Variants in ANK1 observed in about 807,000 individuals in gnomAD.
ANK1 encodes ankyrin-1.
In ANK1, 51 loss-of-function variants were observed where a neutral mutation model predicts 210.4. The observed-to-expected ratio is 0.24, with a 90% CI of 0.19 to 0.31. ANK1 has a LOEUF of 0.31. Ranked by LOEUF, ANK1 falls within the 10% of genes least tolerant of loss-of-function variation. The probability of loss-of-function intolerance (pLI) is 1.00; values close to 1 mark genes in which losing one functional copy is unlikely to be tolerated. For synonymous variants in ANK1, 967 were observed against 1,025.9 expected (o/e 0.94, Z 1.10); for missense variants, 2,051 against 2,504.4 (o/e 0.82, Z 3.86).
intron 22 of ANK1, 75 bp from the exon 23 acceptor site, chr8:41,699,623 C>T (rs1290511072): frequency 4.3e-6 from 6 of 1,380,990 alleles, no homozygotes; most frequent in Non-Finnish European, 2.0e-6. Flanking sequence ...AAGCTCTGTT[C>T]CCGCTCCGCC....
At chr8:41,739,696 C>T (rs576394885) in intron 2 of ANK1, among the ~76,000 whole-genome samples, 35 of 151,984 alleles carry the variant, frequency 2.3e-4, no homozygotes, top group African/African-American at 8.0e-4. Flanking sequence ...CAGGGGTTGA[C>T]CTGAGTTTGA....
At chr8:41,728,426 G>C (rs1471326239) in intron 3 of ANK1, among the ~76,000 whole-genome samples, 2 of 152,188 alleles carry the variant, frequency 1.3e-5, no homozygotes, top group East Asian at 3.8e-4. Context: ...AGGGTGGGAG[G>C]TGGGGGCAAT....
chr8:41,674,298 C>T (rs921782848), intron 37 of ANK1, among the ~76,000 whole-genome samples: 1 of 152,240 alleles, frequency 6.6e-6, no homozygotes, highest in Non-Finnish European at 1.5e-5. Flanking sequence ...ACCCCAAACA[C>T]ACATGCACAC....
intron 38 of ANK1, among the ~76,000 whole-genome samples, chr8:41,668,797 G>GA (rs1811360013): frequency 6.6e-6 from 1 of 152,172 alleles, no homozygotes; most frequent in Non-Finnish European, 1.5e-5. Flanking sequence ...CAGGTGGAAA[G>GA]GCCACTGGTC....
At chr8:41,706,015 C>G in intron 18 of ANK1, 128 bp downstream of exon 18, 1 of 923,614 alleles carries the variant, frequency 1.1e-6, no homozygotes, top group Non-Finnish European at 1.8e-6. Context: ...ACTCCACTGC[C>G]AGCCCTAGGA....
Position 41,836,510 on chromosome 8 carries a change from G to A in ANK1, c.126+59845C>T, listed in dbSNP as rs182864598. 1.1e-3 allele frequency among the ~76,000 whole-genome samples: 163 copies of A among 152,306 alleles called. 3 individuals are homozygous for A. In the South Asian group the frequency reaches 0.026, roughly 24 times the overall value. On this transcript the variant is annotated intron_variant, in intron 1 of 42. Transcript: ENST00000265709. ...CGCCCAGCAATGTGGCCGGGCTCCC[G>A]GTCCCCCTCCCCTGAGGTGGTGGTG...
intron 1 of ANK1, among the ~76,000 whole-genome samples, chr8:41,827,983 GAC>G (rs1167618458): frequency 3.0e-5 from 2 of 66,460 alleles, no homozygotes; most frequent in African/African-American, 1.2e-4. Context: ...CCCAACCCCC[GAC>G]ACACACACCC....
intron 37 of ANK1, among the ~76,000 whole-genome samples, chr8:41,673,621 A>C (rs1813205023): frequency 1.3e-5 from 2 of 152,266 alleles, no homozygotes; most frequent in African/African-American, 4.8e-5. Context: ...AGGCACCAAG[A>C]GGCACCAGGT....
intron 1 of ANK1, among the ~76,000 whole-genome samples, chr8:41,772,836 G>T (rs887156244): frequency 6.6e-6 from 1 of 152,108 alleles, no homozygotes; most frequent in African/African-American, 2.4e-5. Flanking sequence ...TGCTCCTAGA[G>T]ACTCTGGGCA....
Position 41,688,147 on chromosome 8 carries a change from C to T in ANK1, c.4258+9G>A. 2 of 1,614,074 alleles carry T rather than the reference C, an allele frequency of 1.2e-6. No homozygotes were observed. Among genetic ancestry groups the T allele is most frequent in the Non-Finnish European group, 1.7e-6 (2 of 1,179,924 alleles). ...CAAAGTGCTTTTCTGCCCCCAATTC[C>T]CCACTCACCTGCCCAGCTGAGACCG... On this transcript the variant is annotated intron_variant, in intron 35 of 42. Transcript: ENST00000289734.
chr8:41,754,892 C>T (rs1838720814), intron 2 of ANK1, among the ~76,000 whole-genome samples: 1 of 152,248 alleles, frequency 6.6e-6, no homozygotes, highest in African/African-American at 2.4e-5. Flanking sequence ...CCTGCAGCTA[C>T]CTGTTCTGCT....
chr8:41,696,864 G>T, intron 24 of ANK1, 91 bp from the exon 25 acceptor site: 18 of 1,257,896 alleles, frequency 1.4e-5, no homozygotes, highest in Admixed American at 3.9e-5. Flanking sequence ...GAACCTTGCC[G>T]CTAGAAACCA....
chr8:41,702,665 C>T (rs998027214), intron 20 of ANK1, among the ~76,000 whole-genome samples: 5 of 152,350 alleles, frequency 3.3e-5, no homozygotes, highest in African/African-American at 1.2e-4. Context: ...ATATTTTCTA[C>T]TTTGATTCAA....
chr8:41,827,709 C>T (rs1419324137), intron 1 of ANK1, among the ~76,000 whole-genome samples: 2 of 143,632 alleles, frequency 1.4e-5, no homozygotes, highest in African/African-American at 5.4e-5. Flanking sequence ...CACTCACACG[C>T]ACACCCACTC....
rs192927190 is a variant in ANK1, at chr8:41,746,469, T to A, written c.129+11567A>T. 3.1e-3 allele frequency among the ~76,000 whole-genome samples: 474 copies of A among 152,270 alleles called. 12 individuals carry two copies. Among genetic ancestry groups the A allele is most frequent in the Admixed American group, 0.027 (413 of 15,304 alleles). On this transcript the variant is annotated intron_variant, in intron 2 of 42. Coordinates refer to ENST00000289734, the MANE Select transcript of ANK1 (RefSeq NM_000037.4). ...CAACCGGCTCTGAGCATTTTCTCTG[T>A]TTGCTTTGTTGCAATCTAACTTTAG...
chr8:41,655,886 G>C, intron 42 of ANK1, 133 bp from the exon 43 acceptor site: 1 of 1,037,910 alleles, frequency 9.6e-7, no homozygotes, highest in Admixed American at 2.0e-5. Flanking sequence ...CCCCAGGCAG[G>C]GCGATGTGCT....
At chr8:41,888,584 G>A (rs1386673388) in intron 1 of ANK1, among the ~76,000 whole-genome samples, 1 of 152,194 alleles carries the variant, frequency 6.6e-6, no homozygotes, top group Non-Finnish European at 1.5e-5. Context: ...CCAGATAACA[G>A]GAAAAACAGA....
intron 1 of ANK1, among the ~76,000 whole-genome samples, chr8:41,880,476 AAGC>A (rs1310827285): frequency 6.6e-6 from 1 of 152,202 alleles, no homozygotes; most frequent in African/African-American, 2.4e-5. Context: ...AACCCCGGGA[AAGC>A]AGCTGCCCTC....
At chr8:41,688,463 C>A (rs755056971) in intron 34 of ANK1, 48 bp downstream of exon 34, 2 of 1,598,190 alleles carry the variant, frequency 1.3e-6, no homozygotes, top group Non-Finnish European at 8.6e-7. Context: ...CTCACGCCCA[C>A]CCTTCTTGGG....
Sources: allele counts gnomAD v4.1 joint callset (sites outside exome capture counted in the v4.1 genomes callset), GRCh38; gene constraint gnomAD v4.1.1; transcripts MANE v1.5; gene names NCBI Gene and HGNC (gene_info 2026-07-23, HGNC 2026-07-21).